FAM135B: variants seen among roughly 807,000 people sequenced by gnomAD.
FAM135B encodes family with sequence similarity 135 member B.
A neutral mutation model predicts 127.7 loss-of-function variants in FAM135B; 43 were observed. That is an observed-to-expected ratio of 0.34 (90% CI 0.26 to 0.43). FAM135B has a LOEUF of 0.43. Ranked by LOEUF, FAM135B falls within the 20% of genes least tolerant of loss-of-function variation. The pLI, the probability that FAM135B is intolerant of heterozygous loss-of-function variation, is 1.00. For synonymous variants in FAM135B, 670 were observed against 665.1 expected (o/e 1.01, Z -0.11); for missense variants, 1,558 against 1,725.6 (o/e 0.90, Z 1.72).
intron 2 of FAM135B, among the ~76,000 whole-genome samples, chr8:138,348,065 G>GGAGAA (rs1046376976): frequency 2.0e-5 from 3 of 150,828 alleles, no homozygotes; most frequent in African/African-American, 7.3e-5. Context: ...CATGTTCCAA[G>GGAGAA]GAGAAGGCTC....
Position 138,139,007 on chromosome 8 carries a change from A to G in FAM135B, c.3880T>C (p.Tyr1294His). The G allele has an allele frequency of 6.2e-7, 1 of 1,612,576 alleles. No individual in the cohort carries two copies. The highest frequency in any genetic ancestry group is 8.5e-7 in the Non-Finnish European group (1 of 1,178,578). ...DNADLRKCFL[Y>H]QLSQKTGLQY... ...TGACCTGTTTTTTGGCTTAGTTGGT[A>G]GAGGAAACATTTGCGCAAATCAGCA... Residue 1294 changes from tyrosine (Y) to histidine (H), a missense_variant, in exon 18 of 20, where the codon TAC becomes CAC. By Grantham distance (83) the Tyr-to-His change is moderately conservative (BLOSUM62 2). Transcript: ENST00000395297.
At chr8:138,355,085 CCA>C (rs1296859303) in intron 2 of FAM135B, among the ~76,000 whole-genome samples, 1 of 151,992 alleles carries the variant, frequency 6.6e-6, no homozygotes, top group Non-Finnish European at 1.5e-5. Context: ...TGTTCAATTT[CCA>C]CAGAGAAATA....
chr8:138,355,869 C>T (rs1830059334), intron 2 of FAM135B, among the ~76,000 whole-genome samples: 1 of 152,128 alleles, frequency 6.6e-6, no homozygotes, highest in Non-Finnish European at 1.5e-5. Context: ...AAGAATGTGT[C>T]CCCTCTAAAC....
At chr8:138,452,484 C>A (rs1047032439) in intron 1 of FAM135B, among the ~76,000 whole-genome samples, 6 of 151,954 alleles carry the variant, frequency 3.9e-5, no homozygotes, top group African/African-American at 1.5e-4. Flanking sequence ...TTGAGAGGCC[C>A]AGGAAAAATA....
At chr8:138,415,724 C>T (rs747600519) in intron 1 of FAM135B, among the ~76,000 whole-genome samples, 6 of 152,136 alleles carry the variant, frequency 3.9e-5, no homozygotes, top group Non-Finnish European at 7.4e-5. Context: ...GTGTGAAGAG[C>T]TAATCAAGAC....
chr8:138,256,704 G>A lies in FAM135B; in HGVS notation c.353C>T (p.Thr118Met), dbSNP rs771996168. The change falls in exon 5 of 20, where the codon ACG becomes ATG. Residue 118 changes from threonine to methionine, a missense_variant. By Grantham distance (81) the Thr-to-Met change is moderately conservative. Transcript: ENST00000395297. ...DFQLKVDLHF[T>M]DSEQQLRDVA... ...TGACACTCACTGCTGTTCACTGTCC[G>A]TAAAGTGCAGATCCACCTTGAGTTG... 9 of 1,613,736 alleles carry A rather than the reference G, an allele frequency of 5.6e-6. No individual in the cohort carries two copies. The highest frequency in any genetic ancestry group is 1.3e-5 in the African/African-American group (1 of 75,026).
At chr8:138,417,231 A>T (rs1834214595) in intron 1 of FAM135B, among the ~76,000 whole-genome samples, 2 of 152,154 alleles carry the variant, frequency 1.3e-5, no homozygotes, top group Non-Finnish European at 2.9e-5. Flanking sequence ...GACTGTCCTC[A>T]TCTGCTGGCT....
intron 1 of FAM135B, among the ~76,000 whole-genome samples, chr8:138,391,119 C>T (rs917643045): frequency 4.0e-5 from 6 of 150,760 alleles, no homozygotes; most frequent in African/African-American, 1.5e-4. Flanking sequence ...ACCCCCACCA[C>T]CACCCGACTG....
intron 17 of FAM135B, among the ~76,000 whole-genome samples, chr8:138,139,325 T>G (rs943194345): frequency 6.6e-6 from 1 of 152,136 alleles, no homozygotes; most frequent in Non-Finnish European, 1.5e-5. Flanking sequence ...GACAACAGCC[T>G]TCGGAGTAAG....
At chr8:138,340,373 T>C (rs1828959371) in intron 2 of FAM135B, among the ~76,000 whole-genome samples, 1 of 152,208 alleles carries the variant, frequency 6.6e-6, no homozygotes, top group African/African-American at 2.4e-5. Context: ...TTACTTAAAG[T>C]GTCTCACTAA....
chr8:138,164,327 C>T (rs1819693699), intron 12 of FAM135B, among the ~76,000 whole-genome samples: 1 of 152,138 alleles, frequency 6.6e-6, no homozygotes, highest in Non-Finnish European at 1.5e-5. Flanking sequence ...AGAGACCCGC[C>T]TCTGAGAGTG....
chr8:138,468,390 A>G (rs1356176938), intron 1 of FAM135B, among the ~76,000 whole-genome samples: 1 of 152,208 alleles, frequency 6.6e-6, no homozygotes, highest in Non-Finnish European at 1.5e-5. Context: ...TATGGACAGA[A>G]GAAAGCCTGC....
chr8:138,222,130 C>A (rs1260559841), intron 7 of FAM135B, among the ~76,000 whole-genome samples: 1 of 151,486 alleles, frequency 6.6e-6, no homozygotes, highest in Non-Finnish European at 1.5e-5. Context: ...AGACGGGAAG[C>A]CGAGAAAGAT....
chr8:138,195,294 A>G lies in FAM135B; in HGVS notation c.837T>C (p.Val279=). Residue 279 remains valine, a synonymous_variant, in exon 9 of 20, where the codon GTT becomes GTC. Coordinates refer to ENST00000395297, the MANE Select transcript of FAM135B (RefSeq NM_015912.4). The stretch of plus-strand genomic sequence containing the variant: ...AGCACAGCTGAGAAAGTGTTTCTTC[A>G]ACAGCAAGGGCCTCTAGAAAGAAAA... ...LPHTELEALA[V]EETLSQLCSE... The G allele has an allele frequency of 1.9e-6, 3 of 1,613,978 alleles. No homozygotes were observed. Among genetic ancestry groups the G allele is most frequent in the Non-Finnish European group, 2.5e-6 (3 of 1,179,984 alleles).
At chr8:138,192,139 C>T (rs1330775826) in intron 9 of FAM135B, among the ~76,000 whole-genome samples, 3 of 152,168 alleles carry the variant, frequency 2.0e-5, no homozygotes, top group Non-Finnish European at 4.4e-5. Context: ...CACAATGTAG[C>T]CAGGCAACTA....
intron 1 of FAM135B, among the ~76,000 whole-genome samples, chr8:138,433,959 G>T (rs948910363): frequency 6.6e-6 from 1 of 152,164 alleles, no homozygotes; most frequent in Non-Finnish European, 1.5e-5. Flanking sequence ...AGACACAAAC[G>T]CATCCACCTT....
chr8:138,266,783 C>T (rs1822970644), intron 3 of FAM135B, among the ~76,000 whole-genome samples: 1 of 5,134 alleles, frequency 1.9e-4, no homozygotes, highest in South Asian at 3.0e-3. Flanking sequence ...TATATACACA[C>T]ACACACACAT....
chr8:138,354,492 C>T (rs897699612), intron 2 of FAM135B, among the ~76,000 whole-genome samples: 3 of 152,122 alleles, frequency 2.0e-5, no homozygotes, highest in Non-Finnish European at 4.4e-5. Flanking sequence ...CATCCTGATA[C>T]CTCCTGGGTG....
At chr8:138,474,039 C>G (rs1161972477) in intron 1 of FAM135B, among the ~76,000 whole-genome samples, 1 of 152,150 alleles carries the variant, frequency 6.6e-6, no homozygotes, top group Non-Finnish European at 1.5e-5. Context: ...ATCAACGTGT[C>G]TCAGGCAGAA....
Sources: gnomAD v4.1 joint callset for allele counts (sites outside exome capture counted in the v4.1 genomes callset) on GRCh38, gnomAD v4.1.1 for gene constraint, MANE v1.5 for transcripts, NCBI Gene and HGNC (gene_info 2026-07-23, HGNC 2026-07-21) for gene names.